The following ATP5F1C variants were observed in gnomAD, a reference collection of about 807,000 sequenced individuals.
ATP5F1C encodes the protein ATP synthase F(1) complex subunit gamma, mitochondrial.
In ATP5F1C, 22 loss-of-function variants were observed where a neutral mutation model predicts 37.4. The observed-to-expected ratio is 0.59, with a 90% CI of 0.42 to 0.84. The LOEUF is 0.84. ATP5F1C is among the 40% of genes least tolerant of loss of function. The probability of loss-of-function intolerance (pLI) is 0.00; values close to 1 mark genes in which losing one functional copy is unlikely to be tolerated. For missense variants in ATP5F1C, 286 were observed against 362.4 expected, an observed-to-expected ratio of 0.79 and a Z score of 1.71; for synonymous variants, 121 against 128.0, an observed-to-expected ratio of 0.95 and a Z score of 0.37.
intron 1 of ATP5F1C, among the ~76,000 whole-genome samples, chr10:7,793,739 T>G (rs1206926579): frequency 2.6e-5 from 4 of 152,194 alleles, no homozygotes; most frequent in Non-Finnish European, 5.9e-5. Flanking sequence ...CTTGTAGAAG[T>G]TTTATGGTTT....
chr10:7,797,233 C>G (rs986653095), intron 3 of ATP5F1C, 55 bp downstream of exon 3: 2 of 1,589,940 alleles, frequency 1.3e-6, no homozygotes, highest in African/African-American at 2.7e-5. Context: ...ACAAGGAAGA[C>G]TACTGATGAC....
chr10:7,791,027 C>T lies in ATP5F1C; in HGVS notation c.56+2764C>T, dbSNP rs538209307. On this transcript the variant is annotated intron_variant, in intron 1 of 9. Transcript: ENST00000356708. ...GAAAAGAAGATGCAGTCGGGCTAGGCGCAGTGGCTCACGTCTGTAATCCCA... is the reference window on the plus strand; with the variant it reads ...GAAAAGAAGATGCAGTCGGGCTAGGTGCAGTGGCTCACGTCTGTAATCCCA... Among the ~76,000 whole-genome samples the T allele has an allele frequency of 2.0e-4, 31 of 152,226 alleles. 1 individual carries two copies. The South Asian group carries it at 6.2e-3, about 31-fold the overall frequency.
intron 6 of ATP5F1C, among the ~76,000 whole-genome samples, chr10:7,801,293 T>C (rs1836361855): frequency 6.6e-6 from 1 of 152,222 alleles, no homozygotes; most frequent in Admixed American, 6.5e-5. Context: ...TACATTTTTT[T>C]CTCTCTTAAT....
intron 6 of ATP5F1C, among the ~76,000 whole-genome samples, chr10:7,801,728 T>C (rs1836370025): frequency 6.6e-6 from 1 of 152,260 alleles, no homozygotes; most frequent in Non-Finnish European, 1.5e-5. Flanking sequence ...AAGAATTTTC[T>C]GCATGAAACA....
chr10:7,794,502 T>TG (rs1836208103), intron 1 of ATP5F1C, among the ~76,000 whole-genome samples: 1 of 29,148 alleles, frequency 3.4e-5, no homozygotes, highest in Admixed American at 3.4e-4. Flanking sequence ...TGTGTGTTGT[T>TG]TTTTTTTTTT....
At chr10:7,805,574 C>T (rs61833188) in intron 8 of ATP5F1C, among the ~76,000 whole-genome samples, 21 of 151,880 alleles carry the variant, frequency 1.4e-4, no homozygotes, top group African/African-American at 2.4e-4. Context: ...GGTGAAACCC[C>T]GTCTCTACTA....
Position 7,799,826 on chromosome 10 carries a change from C to A in ATP5F1C, c.483C>A (p.Pro161=). The A allele has an allele frequency of 1.9e-6, 3 of 1,614,224 alleles. No individual in the cohort carries two copies. The highest frequency in any genetic ancestry group is 2.5e-6 in the Non-Finnish European group (3 of 1,180,042). ...TCAAAGAAGTGGGAAGAAAGCCCCC[C>A]ACTTTTGGAGATGCGTCAGTCATTG... is the stretch of plus-strand genomic sequence containing the variant. The part of the protein sequence containing the change: ...VAFKEVGRKP[P]TFGDASVIAL... Residue 161 remains proline, a synonymous_variant, in exon 5 of 10, where the codon CCC becomes CCA. Coordinates refer to ENST00000356708, the MANE Select transcript of ATP5F1C (RefSeq NM_001001973.3).
chr10:7,790,993 C>T (rs917355266), intron 1 of ATP5F1C, among the ~76,000 whole-genome samples: 4 of 151,962 alleles, frequency 2.6e-5, no homozygotes, highest in East Asian at 1.9e-4. Flanking sequence ...CTTGGACTTG[C>T]GAAAAGAGGA....
intron 7 of ATP5F1C, 152 bp from the exon 8 acceptor site, chr10:7,802,606 G>A (rs1240332779): frequency 9.4e-7 from 1 of 1,067,400 alleles, no homozygotes; most frequent in East Asian, 2.6e-5. Flanking sequence ...GTATCCTATG[G>A]AAGATGTAAA....
chr10:7,800,568 C>T (rs181544324), intron 6 of ATP5F1C, among the ~76,000 whole-genome samples: 149 of 150,826 alleles, frequency 9.9e-4, no homozygotes, highest in African/African-American at 3.4e-3. Flanking sequence ...GATCTCGGCT[C>T]ACTGCAACCT....
At chr10:7,806,899 T>C (rs1836493084) in intron 8 of ATP5F1C, 75 bp from the exon 9 acceptor site, 11 of 1,290,410 alleles carry the variant, frequency 8.5e-6, no homozygotes, top group Non-Finnish European at 1.1e-5. Context: ...GGAAAGCATA[T>C]GTGATTAACT....
At chr10:7,804,256 A>G in intron 8 of ATP5F1C, 1 of 513,844 alleles carries the variant, frequency 1.9e-6, no homozygotes, top group Non-Finnish European at 3.9e-6. Flanking sequence ...TGTTATGAGG[A>G]AAATAACAAA....
chr10:7,800,109 G>A lies in ATP5F1C; in HGVS notation c.637+18G>A, dbSNP rs1214370946. ...AAGTGCTGGTAAGTAGTTTTTCTAT[G>A]ATACATATTTTTTGGCATATAGAAT... On this transcript the variant is annotated intron_variant, in intron 6 of 9. Transcript: ENST00000356708. 4 of 1,610,622 alleles carry A rather than the reference G, an allele frequency of 2.5e-6. No homozygotes were observed. Among genetic ancestry groups the A allele is most frequent in the Non-Finnish European group, 3.4e-6 (4 of 1,177,578 alleles).
chr10:7,806,466 C>A (rs1836482783), intron 8 of ATP5F1C, among the ~76,000 whole-genome samples: 1 of 151,970 alleles, frequency 6.6e-6, no homozygotes, highest in Admixed American at 6.6e-5. Flanking sequence ...ACCAGCCTGG[C>A]CAACATGGCA....
At chr10:7,797,316 AC>A (rs1836259946) in intron 3 of ATP5F1C, 138 bp downstream of exon 3, 6 of 1,083,170 alleles carry the variant, frequency 5.5e-6, no homozygotes, top group Non-Finnish European at 7.9e-6. Context: ...ATCTACATCC[AC>A]TTGACACGTA....
chr10:7,806,572 AC>A (rs1320007960), intron 8 of ATP5F1C, among the ~76,000 whole-genome samples: 1 of 151,636 alleles, frequency 6.6e-6, no homozygotes, highest in Admixed American at 6.6e-5. Flanking sequence ...CAGGAGAATG[AC>A]TTGAACCCAG....
chr10:7,803,070 C>T (rs544071535), intron 8 of ATP5F1C, among the ~76,000 whole-genome samples: 28 of 152,080 alleles, frequency 1.8e-4, no homozygotes, highest in South Asian at 6.2e-4. Flanking sequence ...GCTTAGTTTT[C>T]GGTTTTCTAA....
chr10:7,790,313 GCTTA>G (rs1181407629), intron 1 of ATP5F1C, among the ~76,000 whole-genome samples: 2 of 152,080 alleles, frequency 1.3e-5, no homozygotes, highest in Non-Finnish European at 2.9e-5. Context: ...AAAACATTAG[GCTTA>G]CTTAAATTCA....
chr10:7,795,101 A>G lies in ATP5F1C; in HGVS notation c.57-1020A>G, dbSNP rs1220609090. On this transcript the variant is annotated intron_variant, in intron 1 of 9. Transcript: ENST00000356708. ...TGGGCTTATAAACATTCATTTCCCT[A>G]TTAACCTACAAATAAGATTTAAACC... Among the ~76,000 whole-genome samples the G allele has an allele frequency of 3.9e-5, 6 of 152,196 alleles. No homozygotes were observed. In the East Asian group the frequency reaches 1.2e-3, roughly 29 times the overall value.
Sources: allele counts gnomAD v4.1 joint callset (sites outside exome capture counted in the v4.1 genomes callset), GRCh38; gene constraint gnomAD v4.1.1; transcripts MANE v1.5; gene names NCBI Gene and HGNC (gene_info 2026-07-23, HGNC 2026-07-21).